Variants in RASAL2 observed in about 807,000 individuals in gnomAD.
RASAL2 encodes the protein ras GTPase-activating protein nGAP.
A neutral mutation model predicts 128.9 loss-of-function variants in RASAL2; 58 were observed. The observed-to-expected ratio is 0.45, with a 90% CI of 0.36 to 0.56. RASAL2 has a LOEUF of 0.56. Among genes scored for constraint, RASAL2 ranks in the 20% least tolerant of loss-of-function variants. RASAL2 has a pLI of 0.00. For synonymous variants in RASAL2, 561 were observed against 580.8 expected (o/e 0.97, Z 0.49); for missense variants, 1,360 against 1,601.6 (o/e 0.85, Z 2.57).
intron 1 of RASAL2, among the ~76,000 whole-genome samples, chr1:178,112,904 TATA>T (rs1370039404): frequency 6.6e-6 from 1 of 151,770 alleles, no homozygotes; most frequent in African/African-American, 2.4e-5. Flanking sequence ...AAACTTAAAG[TATA>T]ATAGTAAAAG....
At chr1:178,391,616 C>T (rs534315794) in intron 4 of RASAL2, among the ~76,000 whole-genome samples, 2 of 152,202 alleles carry the variant, frequency 1.3e-5, no homozygotes, top group African/African-American at 4.8e-5. Context: ...GGTCAACACA[C>T]AATACATTTA....
chr1:178,203,500 A>C (rs116278882), intron 1 of RASAL2, among the ~76,000 whole-genome samples: 5,778 of 152,254 alleles, frequency 0.038, 368 homozygotes, highest in African/African-American at 0.13. Flanking sequence ...TCCAGGAATC[A>C]AGGGATGGAA....
intron 1 of RASAL2, among the ~76,000 whole-genome samples, chr1:178,176,143 T>C (rs1258815080): frequency 2.0e-5 from 3 of 152,184 alleles, no homozygotes; most frequent in East Asian, 1.9e-4. Flanking sequence ...CTGTTTACCA[T>C]AGAGGTTGTA....
chr1:178,192,205 T>A (rs1662518352), intron 1 of RASAL2, among the ~76,000 whole-genome samples: 1 of 152,196 alleles, frequency 6.6e-6, no homozygotes, highest in African/African-American at 2.4e-5. Flanking sequence ...TGTGCTATCT[T>A]TTTTCTTTTC....
intron 2 of RASAL2, among the ~76,000 whole-genome samples, chr1:178,293,501 C>T (rs1298554006): frequency 5.9e-5 from 9 of 152,196 alleles, no homozygotes; most frequent in Non-Finnish European, 1.2e-4. Context: ...GCTCCCCATG[C>T]GTGGTCTGGT....
chr1:178,382,480 G>A (rs1672337285), intron 3 of RASAL2, among the ~76,000 whole-genome samples: 1 of 151,852 alleles, frequency 6.6e-6, no homozygotes, highest in African/African-American at 2.4e-5. Context: ...TTTCTCCATT[G>A]CAGCCCATTA....
At chr1:178,454,808 G>A (rs574473331) in intron 12 of RASAL2, among the ~76,000 whole-genome samples, 160 bp downstream of exon 12, 9 of 152,120 alleles carry the variant, frequency 5.9e-5, no homozygotes, top group South Asian at 2.1e-4. Context: ...ATATGAGATC[G>A]ACAACCATGA....
intron 1 of RASAL2, among the ~76,000 whole-genome samples, chr1:178,223,163 A>G (rs555568978): frequency 2.6e-5 from 4 of 152,270 alleles, no homozygotes; most frequent in East Asian, 1.9e-4. Context: ...TGTGCTTACA[A>G]TTTGCTAAGC....
At chr1:178,407,321 C>T (rs1674059989) in intron 4 of RASAL2, among the ~76,000 whole-genome samples, 1 of 152,074 alleles carries the variant, frequency 6.6e-6, no homozygotes, top group African/African-American at 2.4e-5. Context: ...TAGTCTTCTC[C>T]TTTTTCCTTG....
At chr1:178,414,685 A>G (rs1317986183) in intron 4 of RASAL2, among the ~76,000 whole-genome samples, 1 of 152,034 alleles carries the variant, frequency 6.6e-6, no homozygotes, top group Non-Finnish European at 1.5e-5. Flanking sequence ...AATTGGTATC[A>G]TTTCTTCCTT....
rs71108028 is a variant in RASAL2, at chr1:178,131,375, C to CTTTTTTTT, written c.202+36700_202+36707dup. Among the ~76,000 whole-genome samples, 17 of 82,590 alleles carry CTTTTTTTT rather than the reference C, an allele frequency of 2.1e-4. 1 individual carries two copies. Among genetic ancestry groups the CTTTTTTTT allele is most frequent in the Admixed American group, 4.4e-4 (3 of 6,870 alleles). The allele number at this position is 82,590 out of a possible 152,430, so 54.2% of individuals were successfully genotyped here. ...TCGTGCACTACCACGCCTGGATAATCTTTTTTTTTTTTTTTTTTTTTTTTT... is the reference window on the plus strand; with the variant it reads ...TCGTGCACTACCACGCCTGGATAATCTTTTTTTTTTTTTTTTTTTTTTTTTTTTTTTTT... On this transcript the variant is annotated intron_variant, in intron 1 of 17. Transcript: ENST00000367649.
In RASAL2 at chr1:178,268,121, A is replaced by G. The variant is rs569038876; in HGVS notation, c.203-15443A>G. Among the ~76,000 whole-genome samples, 29 of 152,128 alleles carry G rather than the reference A, an allele frequency of 1.9e-4. 1 individual carries two copies. The highest frequency in any genetic ancestry group is 6.3e-4 in the African/African-American group (26 of 41,512). On this transcript the variant is annotated intron_variant, in intron 1 of 17. Coordinates refer to ENST00000367649, the MANE Select transcript of RASAL2 (RefSeq NM_170692.4). Reference sequence around the variant, plus strand: ...GGCAGGAGAATTGCCTGAGGCCAGAATTTAAGACCAGCATGGGCAATAGAG... The same window carrying G: ...GGCAGGAGAATTGCCTGAGGCCAGAGTTTAAGACCAGCATGGGCAATAGAG...
At position 178,113,373 on chromosome 1, in the gene RASAL2, A is replaced by T. The variant is rs549380266; in HGVS notation, c.202+18679A>T. ...ACCCAGGCTGGAGCTCAGTTGTGTG[A>T]TCATTACTGTAGCTTTGAACTCCTG... On this transcript the variant is annotated intron_variant, in intron 1 of 17. Coordinates refer to ENST00000367649, the MANE Select transcript of RASAL2 (RefSeq NM_170692.4). 2.3e-4 allele frequency among the ~76,000 whole-genome samples: 35 copies of T among 151,868 alleles called. 1 individual carries two copies. In the South Asian group the frequency reaches 7.1e-3, roughly 31 times the overall value.
intron 3 of RASAL2, among the ~76,000 whole-genome samples, chr1:178,347,191 A>G (rs552205162): frequency 2.1e-3 from 317 of 152,300 alleles, no homozygotes; most frequent in Non-Finnish European, 3.8e-3. Context: ...GAAGGGTGTG[A>G]CTATTGCCAT....
At position 178,300,041 on chromosome 1, in the gene RASAL2, G is replaced by A. The variant is rs1312877885; in HGVS notation, c.380G>A (p.Arg127Gln). 7.4e-6 allele frequency: 12 copies of A among 1,613,826 alleles called. No homozygotes were observed. The Admixed American group carries it at 8.3e-5, about 11-fold the overall frequency. Residue 127 changes from arginine to glutamine, a missense_variant, in exon 3 of 18, where the codon CGA becomes CAA. Arg to Gln is a conservative substitution (Grantham distance 43). Transcript: ENST00000367649. The part of the protein sequence containing the change: ...QEQQTDSTKG[R>Q]CLRRTVSVPS... ...CAGCAGACAGATTCCACCAAAGGGCGATGCCTGAGGAGAACTGTCAGTGTC... is the reference window on the plus strand; with the variant it reads ...CAGCAGACAGATTCCACCAAAGGGCAATGCCTGAGGAGAACTGTCAGTGTC...
intron 1 of RASAL2, among the ~76,000 whole-genome samples, chr1:178,162,437 TATATA>T (rs1400386993): frequency 1.7e-5 from 2 of 119,640 alleles, no homozygotes; most frequent in East Asian, 2.1e-4. Context: ...ATATATTTTA[TATATA>T]ATATATATAA....
At chr1:178,430,228 C>G (rs1036867385) in intron 5 of RASAL2, among the ~76,000 whole-genome samples, 8 of 152,012 alleles carry the variant, frequency 5.3e-5, no homozygotes, top group Non-Finnish European at 5.9e-5. Context: ...ATGACAACTT[C>G]TCAGAAATTA....
chr1:178,240,124 GCA>G, intron 1 of RASAL2, among the ~76,000 whole-genome samples: 1 of 151,934 alleles, frequency 6.6e-6, no homozygotes, highest in African/African-American at 2.4e-5. Flanking sequence ...TGCTTTTCAA[GCA>G]CAGTGTTTTA....
At position 178,207,074 on chromosome 1, in the gene RASAL2, C is replaced by T. The variant is rs1007900564; in HGVS notation, c.203-76490C>T. 1.7e-4 allele frequency among the ~76,000 whole-genome samples: 26 copies of T among 149,970 alleles called. 1 individual carries two copies. Among genetic ancestry groups the T allele is most frequent in the South Asian group, 1.3e-3 (6 of 4,732 alleles). On this transcript the variant is annotated intron_variant, in intron 1 of 17. Coordinates refer to ENST00000367649, the MANE Select transcript of RASAL2 (RefSeq NM_170692.4). ...TTGCAAACCTGTAGTCCAAGCTACT[C>T]GGGAGGCTGAGGCAGGAGGATTGCT... is the stretch of plus-strand genomic sequence containing the variant.
Sources: gnomAD v4.1 joint callset for allele counts (sites outside exome capture counted in the v4.1 genomes callset) on GRCh38, gnomAD v4.1.1 for gene constraint, MANE v1.5 for transcripts, NCBI Gene and HGNC (gene_info 2026-07-23, HGNC 2026-07-21) for gene names.